KIRREL3: variants seen among roughly 807,000 people sequenced by gnomAD.
KIRREL3 encodes the protein kirre like nephrin family adhesion molecule 3, also known as kin of IRRE-like protein 3.
A neutral mutation model predicts 89.7 loss-of-function variants in KIRREL3; 36 were observed. The ratio of observed to expected loss-of-function variants is 0.40; its 90% CI spans 0.31 to 0.53. The LOEUF (loss-of-function observed/expected upper bound fraction) is 0.53. Ranked by LOEUF, KIRREL3 falls within the 20% of genes least tolerant of loss-of-function variation. The probability of loss-of-function intolerance (pLI) is 0.49; values close to 1 mark genes in which losing one functional copy is unlikely to be tolerated. For synonymous variants in KIRREL3, 445 were observed against 441.4 expected (o/e 1.01, Z -0.10); for missense variants, 864 against 1,056.6 (o/e 0.82, Z 2.53).
rs564140505 is a variant in KIRREL3, at chr11:126,788,761, A to G, written c.55+211694T>C. On this transcript the variant is annotated intron_variant, in intron 1 of 16. Transcript: ENST00000525144. The surrounding 1 kb of genome is among the most constrained non-coding windows in gnomAD (Gnocchi z 4.1). ...TGGAAGCCGTCAGAGTTCAATCTGGAGTCATCCAGGCAGCTGCATGTTGTA... is the reference window on the plus strand; with the variant it reads ...TGGAAGCCGTCAGAGTTCAATCTGGGGTCATCCAGGCAGCTGCATGTTGTA... 5.8e-4 allele frequency among the ~76,000 whole-genome samples: 88 copies of G among 152,324 alleles called. No individual in the cohort carries two copies. The highest frequency in any genetic ancestry group is 2.1e-3 in the African/African-American group (87 of 41,578).
chr11:126,816,057 T>C (rs1027214154), intron 1 of KIRREL3, among the ~76,000 whole-genome samples: 2 of 152,268 alleles, frequency 1.3e-5, no homozygotes, highest in African/African-American at 4.8e-5. Flanking sequence ...TATTTATTTG[T>C]ATTCAAAATG....
In KIRREL3 at chr11:126,877,786, A is replaced by G. The variant is rs1384320059; in HGVS notation, c.55+122669T>C. Among the ~76,000 whole-genome samples, 1 of 152,248 alleles carries G rather than the reference A, an allele frequency of 6.6e-6. No homozygotes were observed. Among genetic ancestry groups the G allele is most frequent in the African/African-American group, 2.4e-5 (1 of 41,474 alleles). On this transcript the variant is annotated intron_variant, in intron 1 of 16. Transcript: ENST00000525144. The surrounding 1 kb of genome is among the most constrained non-coding windows in gnomAD (Gnocchi z 4.9). ...AGGCATGACAGGAACAATGTAACAG[A>G]GAAAGTGACATACAGTAGTATGTAA...
intron 1 of KIRREL3, among the ~76,000 whole-genome samples, chr11:126,958,523 T>C (rs1264929850): frequency 6.6e-6 from 1 of 152,220 alleles, no homozygotes; most frequent in East Asian, 1.9e-4. Context: ...CATCCCTACC[T>C]GGGTGTGTTC....
At chr11:126,794,767 A>C (rs1053808669) in intron 1 of KIRREL3, among the ~76,000 whole-genome samples, 1 of 152,214 alleles carries the variant, frequency 6.6e-6, no homozygotes, top group Non-Finnish European at 1.5e-5. Flanking sequence ...AAGGAGTTTA[A>C]AACTTACGTC....
At position 126,603,896 on chromosome 11, in the gene KIRREL3, C is replaced by G. The variant is rs529323598; in HGVS notation, c.56-40984G>C. The stretch of plus-strand genomic sequence containing the variant: ...ACCCATGTCTCCCCAAATAGCCCCC[C>G]CTCCTCCCACTAGCCCCGAGGCTGG... On this transcript the variant is annotated intron_variant, in intron 1 of 16. Transcript: ENST00000525144. 5.9e-5 allele frequency among the ~76,000 whole-genome samples: 9 copies of G among 152,300 alleles called. No individual in the cohort carries two copies. In the East Asian group the frequency reaches 7.7e-4, roughly 13 times the overall value.
Position 126,729,271 on chromosome 11 carries a change from G to A in KIRREL3, c.56-166359C>T, listed in dbSNP as rs1036532266. 1.3e-5 allele frequency among the ~76,000 whole-genome samples: 2 copies of A among 152,332 alleles called. No homozygotes were observed. Among genetic ancestry groups the A allele is most frequent in the South Asian group, 2.1e-4 (1 of 4,828 alleles). On this transcript the variant is annotated intron_variant, in intron 1 of 16. Transcript: ENST00000525144. This position sits in a 1 kb window ranked among gnomAD's most constrained non-coding sequence, Gnocchi z 4.5. ...AAGCAGACTTCTAAGAAACAAGCAC[G>A]CTGGCTTAACAACAAATCTAATTCT...
intron 1 of KIRREL3, among the ~76,000 whole-genome samples, chr11:126,785,911 A>C (rs1302939997): frequency 1.3e-5 from 2 of 151,186 alleles, no homozygotes; most frequent in South Asian, 2.1e-4. Context: ...AAGCCTACAG[A>C]ATACAGTTAA....
intron 1 of KIRREL3, among the ~76,000 whole-genome samples, chr11:126,913,841 G>A (rs368583013): frequency 2.0e-5 from 3 of 152,146 alleles, no homozygotes; most frequent in African/African-American, 4.8e-5. Flanking sequence ...TCTGGGGACC[G>A]CATAGCAGAG....
intron 1 of KIRREL3, among the ~76,000 whole-genome samples, chr11:126,671,403 A>G (rs1184257707): frequency 1.3e-5 from 2 of 152,164 alleles, no homozygotes; most frequent in East Asian, 1.9e-4. Flanking sequence ...CAAATGCATG[A>G]TCCATAAAAC....
At position 126,668,701 on chromosome 11, in the gene KIRREL3, C is replaced by CT. The variant is rs1313993423; in HGVS notation, c.56-105790dup. The stretch of plus-strand genomic sequence containing the variant: ...TGTTGGGAAGTTTCTGTTTTTCTTT[C>CT]TTTCTTTCTTTCTTTCTTTCTTTCT... On this transcript the variant is annotated intron_variant, in intron 1 of 16. Transcript: ENST00000525144. This position sits in a 1 kb window ranked among gnomAD's most constrained non-coding sequence, Gnocchi z 4.4. Among the ~76,000 whole-genome samples, 1 of 59,810 alleles carries CT rather than the reference C, an allele frequency of 1.7e-5. No homozygotes were observed. The highest frequency in any genetic ancestry group is 3.9e-5 in the Non-Finnish European group (1 of 25,528). The allele number at this position is 59,810 out of a possible 152,430, so 39.2% of individuals were successfully genotyped here.
In KIRREL3 at chr11:126,771,548, A is replaced by G. The variant is rs1950022167; in HGVS notation, c.56-208636T>C. On this transcript the variant is annotated intron_variant, in intron 1 of 16. Coordinates refer to ENST00000525144, the MANE Select transcript of KIRREL3 (RefSeq NM_032531.4). This position sits in a 1 kb window ranked among gnomAD's most constrained non-coding sequence, Gnocchi z 4.4. ...TTTTGCCATTAAAAGTAACAGCAAA[A>G]CCTGCAATTACTTTTGCACCAACCG... 6.6e-6 allele frequency among the ~76,000 whole-genome samples: 1 copy of G among 152,192 alleles called. No homozygotes were observed. The highest frequency in any genetic ancestry group is 2.1e-4 in the South Asian group (1 of 4,830).
At position 126,905,939 on chromosome 11, in the gene KIRREL3, G is replaced by A. The variant is rs1946565981; in HGVS notation, c.55+94516C>T. Reference sequence around the variant, plus strand: ...ACGGAGGAGATGAAACAGGCTGACAGGCAGAGCCATTCTGTTTGGGGTTTG... The same window carrying A: ...ACGGAGGAGATGAAACAGGCTGACAAGCAGAGCCATTCTGTTTGGGGTTTG... On this transcript the variant is annotated intron_variant, in intron 1 of 16. Transcript: ENST00000525144. This position sits in a 1 kb window ranked among gnomAD's most constrained non-coding sequence, Gnocchi z 5.0. Among the ~76,000 whole-genome samples the A allele has an allele frequency of 6.6e-6, 1 of 152,214 alleles. No individual in the cohort carries two copies. The highest frequency in any genetic ancestry group is 2.4e-5 in the African/African-American group (1 of 41,452).
chr11:126,502,700 T>C (rs1167921270), intron 4 of KIRREL3, among the ~76,000 whole-genome samples: 1 of 152,252 alleles, frequency 6.6e-6, no homozygotes, highest in Non-Finnish European at 1.5e-5. Flanking sequence ...AAATGTTTCC[T>C]AGTTTGACAC....
intron 12 of KIRREL3, 122 bp downstream of exon 12, chr11:126,436,689 A>C: frequency 9.8e-7 from 1 of 1,025,430 alleles, no homozygotes; most frequent in Non-Finnish European, 1.5e-6. Context: ...AGCCAGGAAG[A>C]GCACTGTGGC....
chr11:126,923,349 TTCCTTC>T (rs200449757), intron 1 of KIRREL3, among the ~76,000 whole-genome samples: 3,874 of 116,010 alleles, frequency 0.033, 127 homozygotes, highest in African/African-American at 0.037. Context: ...CTTCTCCTTC[TTCCTTC>T]TCCTTCTCCT....
intron 6 of KIRREL3, among the ~76,000 whole-genome samples, chr11:126,458,047 C>T (rs189772325): frequency 4.8e-3 from 726 of 152,240 alleles, no homozygotes; most frequent in African/African-American, 0.016. Flanking sequence ...ATCCACACGC[C>T]GAGGGATGGG....
rs967913398 is a variant in KIRREL3, at chr11:126,879,412, G to A, written c.55+121043C>T. 3.3e-5 allele frequency among the ~76,000 whole-genome samples: 5 copies of A among 152,210 alleles called. No homozygotes were observed. The highest frequency in any genetic ancestry group is 6.5e-5 in the Admixed American group (1 of 15,276). On this transcript the variant is annotated intron_variant, in intron 1 of 16. Transcript: ENST00000525144. The surrounding 1 kb of genome is among the most constrained non-coding windows in gnomAD (Gnocchi z 5.4). Reference sequence around the variant, plus strand: ...TTTTGTGGCAGCCAGCTGTACCGGAGAAGCAGCTGATGAGGTTGCAGTTGC... The same window carrying A: ...TTTTGTGGCAGCCAGCTGTACCGGAAAAGCAGCTGATGAGGTTGCAGTTGC...
At chr11:126,756,707 T>C (rs933886447) in intron 1 of KIRREL3, among the ~76,000 whole-genome samples, 1 of 152,228 alleles carries the variant, frequency 6.6e-6, no homozygotes, top group Non-Finnish European at 1.5e-5. Flanking sequence ...AGCCTTTCTT[T>C]TGGGTCAAGC....
Position 126,989,199 on chromosome 11 carries a change from A to G in KIRREL3, c.55+11256T>C, listed in dbSNP as rs768534254. On this transcript the variant is annotated intron_variant, in intron 1 of 16. Transcript: ENST00000525144. The surrounding 1 kb of genome is among the most constrained non-coding windows in gnomAD (Gnocchi z 6.2). ...TTTGAAGTAAGGTTTTGCAAAACTTATGCAAAAAGTTTTCTTTTCTACAAG... is the reference window on the plus strand; with the variant it reads ...TTTGAAGTAAGGTTTTGCAAAACTTGTGCAAAAAGTTTTCTTTTCTACAAG... Among the ~76,000 whole-genome samples the G allele has an allele frequency of 2.0e-5, 3 of 152,218 alleles. No individual in the cohort carries two copies. Among genetic ancestry groups the G allele is most frequent in the Non-Finnish European group, 2.9e-5 (2 of 68,030 alleles).
Sources: gnomAD v4.1 joint callset for allele counts (sites outside exome capture counted in the v4.1 genomes callset) on GRCh38, gnomAD v4.1.1 for gene constraint, Gnocchi (gnomAD v3.1) non-coding constraint, MANE v1.5 for transcripts, NCBI Gene and HGNC (gene_info 2026-07-23, HGNC 2026-07-21) for gene names.